The following RBM41 variants were observed in gnomAD, a reference collection of about 807,000 sequenced individuals.
RBM41 encodes the protein RNA-binding protein 41.
In RBM41, 14 loss-of-function variants were observed where a neutral mutation model predicts 30.8. That is an observed-to-expected ratio of 0.45 (90% CI 0.30 to 0.71). The LOEUF (loss-of-function observed/expected upper bound fraction) is 0.71. Ranked by LOEUF, RBM41 falls within the 30% of genes least tolerant of loss-of-function variation. RBM41 has a pLI of 0.08. For synonymous variants in RBM41, 120 were observed against 110.1 expected (o/e 1.09, Z -0.56); for missense variants, 276 against 326.3 (o/e 0.85, Z 1.19).
intron 6 of RBM41, among the ~76,000 whole-genome samples, chrX:107,080,577 C>T (rs778774019): frequency 1.1e-5 from 1 of 94,451 alleles, no homozygotes; most frequent in Non-Finnish European, 2.0e-5. Flanking sequence ...GAGACTCTGC[C>T]TCAAAACACG....
intron 5 of RBM41, among the ~76,000 whole-genome samples, chrX:107,099,183 C>A (rs1427934778): frequency 1.8e-5 from 2 of 111,001 alleles, no homozygotes; most frequent in African/African-American, 6.6e-5. Flanking sequence ...GAACAAGTAT[C>A]CATAATAATA....
intron 6 of RBM41, among the ~76,000 whole-genome samples, chrX:107,085,579 T>G (rs1278698421): frequency 1.8e-5 from 2 of 111,801 alleles, no homozygotes; most frequent in Non-Finnish European, 3.8e-5. Flanking sequence ...TCACCAATAC[T>G]TGGCATTGTC....
chrX:107,085,324 T>C (rs1158003925), intron 6 of RBM41, among the ~76,000 whole-genome samples: 2 of 106,388 alleles, frequency 1.9e-5, no homozygotes, highest in Admixed American at 1.0e-4. Context: ...TGGAGTGCAG[T>C]GGCATGATCT....
chrX:107,085,239 GTTTTTCTTTTTTTTC>G (rs1921913788), intron 6 of RBM41, among the ~76,000 whole-genome samples: 1 of 100,738 alleles, frequency 9.9e-6, no homozygotes, highest in African/African-American at 3.8e-5. Flanking sequence ...AATTCTTATT[GTTTTTCTTTTTTTTC>G]TTTTTCTTTT....
At chrX:107,053,496 T>C in the RBM41 span, among the ~76,000 whole-genome samples, 4 of 113,143 alleles carry the variant, frequency 3.5e-5, no homozygotes, top group African/African-American at 9.6e-5. Context: ...AAGTGGTGTT[T>C]ATTTCTGTGC....
chrX:107,089,046 G>A (rs972752625), intron 5 of RBM41, among the ~76,000 whole-genome samples: 1 of 111,562 alleles, frequency 9.0e-6, no homozygotes, highest in Non-Finnish European at 1.9e-5. Flanking sequence ...GGTGAGGCAA[G>A]TGAGGCACCT....
At position 107,065,723 on chromosome X, in the gene RBM41, T is replaced by C. The variant is rs1445261527; in HGVS notation, c.*1804A>G. The C allele has an allele frequency of 1.7e-6, 2 of 1,153,815 alleles. No homozygotes were observed. Among genetic ancestry groups the C allele is most frequent in the South Asian group, 4.0e-5 (2 of 49,807 alleles). On this transcript the variant is annotated 3_prime_UTR_variant, in exon 8 of 8. Transcript: ENST00000685964. ...TTACCATCTGGAGTCAGTTCTTTAGTACAAGACAGTTTTGCTTCCACTCAG... is the reference window on the plus strand; with the variant it reads ...TTACCATCTGGAGTCAGTTCTTTAGCACAAGACAGTTTTGCTTCCACTCAG...
chrX:107,095,476 A>G (rs1350765039), intron 5 of RBM41, among the ~76,000 whole-genome samples: 1 of 109,519 alleles, frequency 9.1e-6, no homozygotes, highest in Admixed American at 9.8e-5. Flanking sequence ...CATGCCTGCA[A>G]TCCCAGCTAC....
chrX:107,073,246 G>C (rs965171285), intron 6 of RBM41, among the ~76,000 whole-genome samples: 2 of 111,740 alleles, frequency 1.8e-5, no homozygotes, highest in African/African-American at 6.5e-5. Flanking sequence ...TCACCCAACA[G>C]GGGATTAATA....
At chrX:107,104,342 T>C (rs1398826737) in intron 5 of RBM41, among the ~76,000 whole-genome samples, 1 of 111,206 alleles carries the variant, frequency 9.0e-6, no homozygotes, top group South Asian at 3.8e-4. Context: ...TAGATGGGTA[T>C]GGGTATAGAT....
intron 5 of RBM41, among the ~76,000 whole-genome samples, chrX:107,105,105 A>G (rs1243257020): frequency 1.8e-5 from 2 of 111,494 alleles, no homozygotes; most frequent in African/African-American, 6.5e-5. Flanking sequence ...ACACAATTGT[A>G]TATCTAGAAA....
At chrX:107,067,778 G>T in intron 7 of RBM41, 85 bp from the exon 8 acceptor site, 1 of 1,017,052 alleles carries the variant, frequency 9.8e-7, no homozygotes, top group South Asian at 3.1e-5. Context: ...ATTTTGCCTT[G>T]GAGTTAAATG....
At chrX:107,098,225 C>T (rs746859125) in intron 5 of RBM41, among the ~76,000 whole-genome samples, 117 of 111,462 alleles carry the variant, frequency 1.0e-3, no homozygotes, top group Middle Eastern at 9.2e-3. Flanking sequence ...GTCAATTGAC[C>T]TCAATTGACT....
the RBM41 span, among the ~76,000 whole-genome samples, chrX:107,056,520 C>T: frequency 1.8e-5 from 2 of 108,533 alleles, no homozygotes; most frequent in Non-Finnish European, 3.8e-5. Context: ...TGTTCCTGGG[C>T]TTTTCTTTGT....
intron 5 of RBM41, among the ~76,000 whole-genome samples, chrX:107,101,222 TTC>T (rs1923431593): frequency 9.0e-6 from 1 of 111,522 alleles, no homozygotes; most frequent in South Asian, 3.8e-4. Context: ...TATCGGCATG[TTC>T]TGTTTCTTGA....
intron 1 of RBM41, among the ~76,000 whole-genome samples, chrX:107,117,500 A>C (rs1413866781): frequency 1.8e-5 from 2 of 111,872 alleles, no homozygotes; most frequent in Admixed American, 9.4e-5. Context: ...CAAGGAAGTC[A>C]AAGATAATCC....
Position 107,116,050 on chromosome X carries a change from T to C in RBM41, c.130A>G (p.Met44Val), listed in dbSNP as rs749766515. ...LDTSVSIEEC[M>V]SKKESFAPGT... ...GGAGCAAAGCTCTCTTTCTTAGACA[T>C]ACATCTGCAAAACATGCAGGAGGAG... Residue 44 changes from methionine (M) to valine (V), a missense_variant, in exon 3 of 8, where the codon ATG becomes GTG. Transcript: ENST00000685964. 8.6e-7 allele frequency: 1 copy of C among 1,162,327 alleles called. No homozygotes were observed. The highest frequency in any genetic ancestry group is 2.1e-5 in the South Asian group (1 of 48,016).
chrX:107,115,402 A>G lies in RBM41; in HGVS notation c.473T>C (p.Leu158Ser). 1 of 1,212,018 alleles carries G rather than the reference A, an allele frequency of 8.3e-7. No homozygotes were observed. The highest frequency in any genetic ancestry group is 1.1e-6 in the Non-Finnish European group (1 of 895,558). The change falls in exon 4 of 8, where the codon TTA (leucine) becomes TCA (serine). Residue 158 changes from leucine to serine, a missense_variant. Physicochemically the swap from Leu to Ser is moderately radical, Grantham distance 145. Transcript: ENST00000685964. ...GGAGTGACGATCAGCTCCCTGAAATAAAGACTTTTCTATTTCCATTTCTCG... is the reference window on the plus strand; with the variant it reads ...GGAGTGACGATCAGCTCCCTGAAATGAAGACTTTTCTATTTCCATTTCTCG... ...TRREMEIEKS[L>S]FQGADRHSFL... is the part of the protein sequence containing the mutation.
At chrX:107,054,363 A>C in the RBM41 span, among the ~76,000 whole-genome samples, 1 of 111,499 alleles carries the variant, frequency 9.0e-6, no homozygotes, top group South Asian at 3.8e-4. Flanking sequence ...CATGGGTTGC[A>C]AGCTCATCCT....
Sources: allele counts gnomAD v4.1 joint callset (sites outside exome capture counted in the v4.1 genomes callset), GRCh38; gene constraint gnomAD v4.1.1; transcripts MANE v1.5; gene names NCBI Gene and HGNC (gene_info 2026-07-23, HGNC 2026-07-21).